SORL1: variants seen among roughly 807,000 people sequenced by gnomAD.
SORL1 encodes the protein sortilin related receptor 1.
SORL1 carries 127 observed loss-of-function variants against 273.7 expected under a neutral mutation model. The ratio of observed to expected loss-of-function variants is 0.46; its 90% CI spans 0.40 to 0.54. The LOEUF is 0.54. Ranked by LOEUF, SORL1 falls within the 20% of genes least tolerant of loss-of-function variation. SORL1 has a pLI of 0.00. For missense variants in SORL1, 2,494 were observed against 2,846.1 expected (o/e 0.88, Z 2.81); for synonymous variants, 1,031 against 1,067.4 (o/e 0.97, Z 0.66).
At chr11:121,577,737 G>A (rs1230294842) in intron 25 of SORL1, among the ~76,000 whole-genome samples, 3 of 152,238 alleles carry the variant, frequency 2.0e-5, no homozygotes, top group Non-Finnish European at 4.4e-5. Flanking sequence ...CACTGAACTA[G>A]CTCATGTTTT....
At chr11:121,468,845 A>G (rs1861128652) in intron 1 of SORL1, among the ~76,000 whole-genome samples, 2 of 152,262 alleles carry the variant, frequency 1.3e-5, no homozygotes, top group Non-Finnish European at 2.9e-5. Context: ...TGAAATAAGA[A>G]AATAAAAGTA....
chr11:121,620,931 C>A, intron 43 of SORL1, 133 bp from the exon 44 acceptor site: 2 of 633,702 alleles, frequency 3.2e-6, no homozygotes, highest in Non-Finnish European at 5.4e-6. Context: ...AGAATGGAGT[C>A]AGATTTCGGG....
chr11:121,527,686 T>C (rs1214559402), intron 11 of SORL1, among the ~76,000 whole-genome samples: 10 of 152,178 alleles, frequency 6.6e-5, no homozygotes, highest in African/African-American at 2.4e-4. Context: ...ATTTTCTTCT[T>C]TTTGTTTCAA....
In SORL1 at chr11:121,625,217, CT is replaced by C; in HGVS notation, c.6309del (p.Phe2103LeufsTer44). 6.2e-7 allele frequency: 1 copy of C among 1,614,004 alleles called. No homozygotes were observed. Among genetic ancestry groups the C allele is most frequent in the Non-Finnish European group, 8.5e-7 (1 of 1,179,990 alleles). On this transcript the variant is annotated frameshift_variant, in exon 46 of 48. Transcript: ENST00000260197. LOFTEE classifies it high-confidence loss of function. Reference protein sequence around the residue: ...NYTFTVQARCLFGNQICGEPA... With the variant: ...NYTFTVQARCXFGNQICGEPA... ...CACGTTCACCGTCCAAGCAAGATGC[CT>C]TTTTGGCAACCAGATCTGTGGGGAG...
chr11:121,512,996 T>C lies in SORL1; in HGVS notation c.940-7T>C, dbSNP rs757692767. 36 of 1,610,658 alleles carry C rather than the reference T, an allele frequency of 2.2e-5. No homozygotes were observed. Among genetic ancestry groups the C allele is most frequent in the Non-Finnish European group, 3.1e-5 (36 of 1,176,904 alleles). Reference sequence around the variant, plus strand: ...CATTAATTTTTTTTTCTCCTCTTCCTTGGCAGCATCTCTTGGGCAGTGAAC... The same window carrying C: ...CATTAATTTTTTTTTCTCCTCTTCCCTGGCAGCATCTCTTGGGCAGTGAAC... On this transcript the variant is annotated splice_region_variant and splice_polypyrimidine_tract_variant and intron_variant, in intron 6 of 47. Transcript: ENST00000260197.
Position 121,488,196 on chromosome 11 carries a change from A to G in SORL1, c.690+3A>G. The G allele has an allele frequency of 1.2e-6, 2 of 1,613,312 alleles. No individual in the cohort carries two copies. Among genetic ancestry groups the G allele is most frequent in the Non-Finnish European group, 1.7e-6 (2 of 1,179,602 alleles). ...ACAGGTCCCACCCCAACAAGCAGGTAAGAGGGCTTTCAGAACCCAGTTGCA... is the reference window on the plus strand; with the variant it reads ...ACAGGTCCCACCCCAACAAGCAGGTGAGAGGGCTTTCAGAACCCAGTTGCA... On this transcript the variant is annotated splice_donor_region_variant and intron_variant, in intron 4 of 47. Coordinates refer to ENST00000260197, the MANE Select transcript of SORL1 (RefSeq NM_003105.6).
intron 13 of SORL1, 31 bp from the exon 14 acceptor site, chr11:121,545,212 A>G: frequency 6.2e-7 from 1 of 1,611,092 alleles, no homozygotes; most frequent in Middle Eastern, 1.7e-4. Context: ...GCCTGCCTCT[A>G]ATGCTTCGTG....
intron 25 of SORL1, among the ~76,000 whole-genome samples, chr11:121,581,875 G>A (rs142995727): frequency 3.8e-4 from 58 of 151,558 alleles, no homozygotes; most frequent in Middle Eastern, 3.4e-3. Context: ...TTATGAATGT[G>A]AGCAAGGTGT....
rs1160977612 is a variant in SORL1, at chr11:121,550,470, A to G, written c.2181-115A>G. On this transcript the variant is annotated intron_variant, in intron 15 of 47. Coordinates refer to ENST00000260197, the MANE Select transcript of SORL1 (RefSeq NM_003105.6). This position sits in a 1 kb window ranked among gnomAD's most constrained non-coding sequence, Gnocchi z 5.3. ...GAACATCCTCTTTCTAGTTCTAAAGAGAAATGAGTGGATGGACTCTACTGG... is the reference window on the plus strand; with the variant it reads ...GAACATCCTCTTTCTAGTTCTAAAGGGAAATGAGTGGATGGACTCTACTGG... The G allele has an allele frequency of 3.5e-6, 3 of 859,508 alleles. No individual in the cohort carries two copies. In the South Asian group the frequency reaches 4.3e-5, roughly 12 times the overall value. The allele number at this position is 859,508 out of a possible 1,614,324, so 53.2% of individuals were successfully genotyped here.
chr11:121,476,983 G>T (rs1159953175), intron 2 of SORL1, among the ~76,000 whole-genome samples: 1 of 151,306 alleles, frequency 6.6e-6, no homozygotes, highest in Non-Finnish European at 1.5e-5. Context: ...GTAGATATAG[G>T]GTCTCACTCT....
At chr11:121,478,706 G>A (rs758140797) in intron 3 of SORL1, among the ~76,000 whole-genome samples, 16 of 151,790 alleles carry the variant, frequency 1.1e-4, no homozygotes, top group Non-Finnish European at 1.6e-4. Context: ...GTACCTGTGT[G>A]TGTGTGCTTG....
At chr11:121,540,962 T>C (rs1054090308) in intron 12 of SORL1, among the ~76,000 whole-genome samples, 3 of 152,266 alleles carry the variant, frequency 2.0e-5, no homozygotes, top group Non-Finnish European at 2.9e-5. Flanking sequence ...TTGGTTCAGT[T>C]TGCTTTAAAA....
chr11:121,578,980 C>T (rs1355496543), intron 25 of SORL1, among the ~76,000 whole-genome samples: 1 of 152,196 alleles, frequency 6.6e-6, no homozygotes, highest in Non-Finnish European at 1.5e-5. Context: ...TGGATGGATA[C>T]TTAGTTAATA....
chr11:121,607,289 G>A lies in SORL1; in HGVS notation c.5165G>A (p.Arg1722Lys). The A allele has an allele frequency of 6.5e-7, 1 of 1,549,402 alleles. No homozygotes were observed. Among genetic ancestry groups the A allele is most frequent in the Non-Finnish European group, 8.9e-7 (1 of 1,121,600 alleles). Residue 1722 changes from arginine (R) to lysine (K), a missense_variant and splice_region_variant, in exon 37 of 48, where the codon AGA becomes AAA. By Grantham distance (26) the Arg-to-Lys change is conservative. This residue lies in a region of SORL1 where 1,609 missense variants were observed against 1,816.4 expected (regional missense o/e 0.89). Coordinates refer to ENST00000260197, the MANE Select transcript of SORL1 (RefSeq NM_003105.6). ...TTGGTCAACACTCTATACACCGTCA[G>A]AGTGAGTGTCGTCATCCATTCCAGC... ...NLLVNTLYTV[R>K]VAAVTSRGIG...
intron 12 of SORL1, among the ~76,000 whole-genome samples, chr11:121,538,859 A>G (rs1456167409): frequency 1.3e-5 from 2 of 151,888 alleles, no homozygotes; most frequent in Non-Finnish European, 2.9e-5. Flanking sequence ...TTATATTTTT[A>G]GTAGAGGCGG....
At chr11:121,620,788 C>G (rs1863712436) in intron 43 of SORL1, among the ~76,000 whole-genome samples, 1 of 152,196 alleles carries the variant, frequency 6.6e-6, no homozygotes, top group African/African-American at 2.4e-5. Flanking sequence ...TTGTTCCAAC[C>G]TACCTGCTGA....
chr11:121,550,734 A>C lies in SORL1; in HGVS notation c.2266+64A>C. The C allele has an allele frequency of 2.0e-5, 26 of 1,332,568 alleles. No homozygotes were observed. Among genetic ancestry groups the C allele is most frequent in the Non-Finnish European group, 2.4e-5 (23 of 944,636 alleles). 82.5% of individuals were successfully genotyped at this position (1,332,568 alleles called of 1,614,324 possible). Reference sequence around the variant, plus strand: ...ATGGTTGAAGCAGTATCACGATCTCACCCAAGTCCGGGCTTGTGGCTCCTT... The same window carrying C: ...ATGGTTGAAGCAGTATCACGATCTCCCCCAAGTCCGGGCTTGTGGCTCCTT... On this transcript the variant is annotated intron_variant, in intron 16 of 47. Transcript: ENST00000260197. The surrounding 1 kb of genome is among the most constrained non-coding windows in gnomAD (Gnocchi z 5.3).
At chr11:121,522,487 C>T in intron 9 of SORL1, 99 bp from the exon 10 acceptor site, 2 of 874,956 alleles carry the variant, frequency 2.3e-6, no homozygotes, top group Admixed American at 1.8e-5. Flanking sequence ...CCTCCTTGCC[C>T]CGTGTCAGCT....
At position 121,604,296 on chromosome 11, in the gene SORL1, G is replaced by C. The variant is rs750933481; in HGVS notation, c.4623G>C (p.Ser1541=). ...GCTGCGACGGCTTCCTGGACTGCTC[G>C]GACGAGAGCGATGAAAAGGCCTGCA... The part of the protein sequence containing the change: ...SERCDGFLDC[S]DESDEKACSD... The change falls in exon 33 of 48, where the codon TCG becomes TCC. Residue 1541 remains serine, a synonymous_variant. Transcript: ENST00000260197. The C allele has an allele frequency of 6.2e-7, 1 of 1,613,968 alleles. No individual in the cohort carries two copies. The highest frequency in any genetic ancestry group is 8.5e-7 in the Non-Finnish European group (1 of 1,180,020).
Sources: allele counts gnomAD v4.1 joint callset (sites outside exome capture counted in the v4.1 genomes callset), GRCh38; gene constraint gnomAD v4.1.1; regional missense constraint gnomAD v4.1.1; non-coding constraint Gnocchi (gnomAD v3.1); transcripts MANE v1.5; gene names NCBI Gene and HGNC (gene_info 2026-07-23, HGNC 2026-07-21).